The following ACLY variants were observed in gnomAD, a reference collection of about 807,000 sequenced individuals.
ACLY encodes the protein ATP-citrate synthase.
Under a neutral mutation model 133.0 loss-of-function variants are expected in ACLY, and 41 were observed. That is an observed-to-expected ratio of 0.31 (90% confidence interval 0.24 to 0.40). The LOEUF is 0.40. Among genes scored for constraint, ACLY ranks in the 10% least tolerant of loss-of-function variants. ACLY has a pLI of 1.00. For missense variants in ACLY, 1,046 were observed against 1,453.8 expected (o/e 0.72, Z 4.56); for synonymous variants, 495 against 549.3 (o/e 0.90, Z 1.38).
chr17:41,912,322 G>C (rs2049926962), intron 3 of ACLY, 98 bp downstream of exon 3: 1 of 1,499,056 alleles, frequency 6.7e-7, no homozygotes, highest in East Asian at 2.3e-5. Flanking sequence ...GCTACAATGA[G>C]ACTGGCTGTG....
chr17:41,892,597 G>C (rs2049245741), intron 15 of ACLY, 150 bp from the exon 16 acceptor site: 5 of 695,224 alleles, frequency 7.2e-6, no homozygotes, highest in Non-Finnish European at 1.2e-5. Flanking sequence ...GATCCCCCAG[G>C]AATACTGACT....
At chr17:41,923,971 C>G (rs2050211755), upstream of ACLY, among the ~76,000 whole-genome samples, 1 of 151,934 alleles carries the variant, frequency 6.6e-6, no homozygotes, top group Non-Finnish European at 1.5e-5. Flanking sequence ...CCACCATGCC[C>G]AGCTAATTTT....
intron 1 of ACLY, among the ~76,000 whole-genome samples, chr17:41,915,438 G>C (rs1328262275): frequency 1.1e-4 from 17 of 152,218 alleles, no homozygotes; most frequent in African/African-American, 3.4e-4. Flanking sequence ...TCCCAACTCA[G>C]AGAAGGCCAA....
intron 16 of ACLY, among the ~76,000 whole-genome samples, chr17:41,890,481 G>A (rs1361277147): frequency 3.4e-5 from 5 of 149,202 alleles, no homozygotes; most frequent in Non-Finnish European, 5.9e-5. Context: ...TCGAGAGATC[G>A]AGACCACCCT....
Position 41,886,095 on chromosome 17 carries a change from G to T in ACLY, c.2072+17C>A, listed in dbSNP as rs1471887100. On this transcript the variant is annotated intron_variant, in intron 18 of 28. Coordinates refer to ENST00000352035, the MANE Select transcript of ACLY (RefSeq NM_001096.3). ...TCTCAAAGCAGGAAGCCCCTCCTTGGCTTCCCAGCTGATTACCTGTCCCCA... is the reference window on the plus strand; with the variant it reads ...TCTCAAAGCAGGAAGCCCCTCCTTGTCTTCCCAGCTGATTACCTGTCCCCA... The T allele has an allele frequency of 8.1e-6, 13 of 1,604,330 alleles. No homozygotes were observed. The highest frequency in any genetic ancestry group is 1.1e-5 in the Non-Finnish European group (13 of 1,172,400).
At chr17:41,876,985 G>A (rs2048778337) in intron 22 of ACLY, among the ~76,000 whole-genome samples, 1 of 151,934 alleles carries the variant, frequency 6.6e-6, no homozygotes, top group South Asian at 2.1e-4. Context: ...CCAGGGGACG[G>A]GGACTGAATT....
chr17:41,870,013 A>T (rs2048559037), intron 25 of ACLY, among the ~76,000 whole-genome samples: 1 of 152,220 alleles, frequency 6.6e-6, no homozygotes, highest in Admixed American at 6.5e-5. Context: ...ACACGTGTTT[A>T]GTGTGGGGAG....
chr17:41,880,678 C>T lies in ACLY; in HGVS notation c.2266-1754G>A, dbSNP rs906635596. Among the ~76,000 whole-genome samples the T allele has an allele frequency of 6.6e-5, 10 of 152,006 alleles. No individual in the cohort carries two copies. In the South Asian group the frequency reaches 1.2e-3, roughly 19 times the overall value. On this transcript the variant is annotated intron_variant, in intron 20 of 28. Transcript: ENST00000352035. ...AGGAGACTGAGACCATCCTAGCTAACGGTGAAACCCCATCTCTACTAAAAG... is the reference window on the plus strand; with the variant it reads ...AGGAGACTGAGACCATCCTAGCTAATGGTGAAACCCCATCTCTACTAAAAG...
intron 1 of ACLY, among the ~76,000 whole-genome samples, chr17:41,925,863 G>C (rs1347041571): frequency 6.8e-6 from 1 of 148,094 alleles, no homozygotes. Context: ...TTTTTTTTTT[G>C]AGAGAGAGTC....
At chr17:41,893,954 C>A (rs2049288050) in intron 14 of ACLY, among the ~76,000 whole-genome samples, 1 of 152,196 alleles carries the variant, frequency 6.6e-6, no homozygotes, top group Non-Finnish European at 1.5e-5. Context: ...TGGCTCACGC[C>A]TGTAATCCCA....
At chr17:41,915,464 A>C (rs2050025972) in intron 1 of ACLY, among the ~76,000 whole-genome samples, 1 of 152,174 alleles carries the variant, frequency 6.6e-6, no homozygotes, top group African/African-American at 2.4e-5. Flanking sequence ...CAGGGGCTAC[A>C]TTGCGCCCCC....
intron 1 of ACLY, among the ~76,000 whole-genome samples, chr17:41,928,846 C>A (rs1467898168): frequency 2.6e-5 from 3 of 115,798 alleles, no homozygotes; most frequent in Admixed American, 2.2e-4. Context: ...GAGTGAGACT[C>A]CACCATAAAA....
At chr17:41,926,145 A>T (rs1658147547) in intron 1 of ACLY, among the ~76,000 whole-genome samples, 1 of 151,998 alleles carries the variant, frequency 6.6e-6, no homozygotes, top group Non-Finnish European at 1.5e-5. Context: ...ACGCCCGGCC[A>T]GACATGTATG....
Position 41,867,746 on chromosome 17 carries a change from G to T in ACLY, c.*64C>A. 1 of 1,361,588 alleles carries T rather than the reference G, an allele frequency of 7.3e-7. No homozygotes were observed. The highest frequency in any genetic ancestry group is 1.0e-6 in the Non-Finnish European group (1 of 976,178). The allele number at this position is 1,361,588 out of a possible 1,614,324, so 84.3% of individuals were successfully genotyped here. Reference sequence around the variant, plus strand: ...AAGCAGGCTCCACTGCCAGCTGTCTGTACACTTTTTCTTGGGGGAAGAGAT... The same window carrying T: ...AAGCAGGCTCCACTGCCAGCTGTCTTTACACTTTTTCTTGGGGGAAGAGAT... On this transcript the variant is annotated 3_prime_UTR_variant, in exon 29 of 29. Coordinates refer to ENST00000352035, the MANE Select transcript of ACLY (RefSeq NM_001096.3).
chr17:41,875,783 A>C (rs370013880), intron 22 of ACLY, among the ~76,000 whole-genome samples: 1 of 152,058 alleles, frequency 6.6e-6, no homozygotes, highest in Non-Finnish European at 1.5e-5. Context: ...GCGTGATCTC[A>C]GCTCGCTACA....
chr17:41,889,764 C>A (rs1555628890), intron 16 of ACLY, among the ~76,000 whole-genome samples: 5 of 152,020 alleles, frequency 3.3e-5, no homozygotes, highest in Admixed American at 1.3e-4. Context: ...TGGCTCACTG[C>A]AACTTCCACC....
At chr17:41,902,110 A>G (rs2049557080) in intron 10 of ACLY, among the ~76,000 whole-genome samples, 1 of 152,094 alleles carries the variant, frequency 6.6e-6, no homozygotes, top group South Asian at 2.1e-4. Flanking sequence ...CTCTTACTAC[A>G]TTTTTGTTTT....
chr17:41,918,498 G>A (rs1182328835), intron 1 of ACLY, among the ~76,000 whole-genome samples: 2 of 152,258 alleles, frequency 1.3e-5, no homozygotes, highest in African/African-American at 4.8e-5. Flanking sequence ...TCCGATGGGG[G>A]AACCCGGATG....
chr17:41,884,127 T>G, intron 19 of ACLY, 66 bp downstream of exon 19: 1 of 1,008,566 alleles, frequency 9.9e-7, no homozygotes, highest in Non-Finnish European at 1.6e-6. Context: ...ATGTTTTAAT[T>G]TTTTGAAAAC....
Sources: allele counts gnomAD v4.1 joint callset (sites outside exome capture counted in the v4.1 genomes callset), GRCh38; gene constraint gnomAD v4.1.1; transcripts MANE v1.5; gene names NCBI Gene and HGNC (gene_info 2026-07-23, HGNC 2026-07-21).